Variants in AGAP1 observed in about 807,000 individuals in gnomAD.
AGAP1 encodes the protein arf-GAP with GTPase, ANK repeat and PH domain-containing protein 1.
In AGAP1, 29 loss-of-function variants were observed where a neutral mutation model predicts 105.3. That is an observed-to-expected ratio of 0.28 (90% CI 0.21 to 0.38). The LOEUF is 0.38. Ranked by LOEUF, AGAP1 falls within the 10% of genes least tolerant of loss-of-function variation. The probability of loss-of-function intolerance (pLI) is 1.00; values close to 1 mark genes in which losing one functional copy is unlikely to be tolerated. For missense variants in AGAP1, 998 were observed against 1,165.1 expected (o/e 0.86, Z 2.09); for synonymous variants, 509 against 485.9 (o/e 1.05, Z -0.63).
rs114811190 is a variant in AGAP1 at position 235,809,122 on chromosome 2, G to A, written c.1050+1791G>A. Among the ~76,000 whole-genome samples, 449 of 151,998 alleles carry A rather than the reference G, an allele frequency of 3.0e-3. 1 individual carries two copies. The highest frequency in any genetic ancestry group is 0.01 in the African/African-American group (430 of 41,468). On this transcript the variant is annotated intron_variant, in intron 9 of 17. Transcript: ENST00000304032. ...TGATTTGGGTGATTTGGGTGGGAGC[G>A]CTCACCAGCCTGGCGGGAGTCCCTC...
At chr2:236,028,894 C>T (rs1291194643) in intron 13 of AGAP1, among the ~76,000 whole-genome samples, 1 of 152,198 alleles carries the variant, frequency 6.6e-6, no homozygotes, top group Non-Finnish European at 1.5e-5. Context: ...TTCTATTCCT[C>T]GTTGGCTAAG....
At chr2:235,782,177 T>G (rs1157473613) in intron 6 of AGAP1, among the ~76,000 whole-genome samples, 2 of 152,130 alleles carry the variant, frequency 1.3e-5, no homozygotes, top group African/African-American at 4.8e-5. Flanking sequence ...TGGCATTTGA[T>G]TCAAAGCCAT....
At chr2:235,809,238 C>T (rs1958001646) in intron 9 of AGAP1, among the ~76,000 whole-genome samples, 1 of 152,046 alleles carries the variant, frequency 6.6e-6, no homozygotes, top group South Asian at 2.1e-4. Context: ...TGCAGGCTAG[C>T]TTTTCAATAT....
rs1017275337 is a variant in AGAP1 at position 235,893,426 on chromosome 2, G to A, written c.1155+9977G>A. On this transcript the variant is annotated intron_variant, in intron 10 of 17. Coordinates refer to ENST00000304032, the MANE Select transcript of AGAP1 (RefSeq NM_001037131.3). This position sits in a 1 kb window ranked among gnomAD's most constrained non-coding sequence, Gnocchi z 4.7. The stretch of plus-strand genomic sequence containing the variant: ...AGCGTGTCTTTGGTGTGGGTGTGCC[G>A]TGTCCATCATAAGGAAGAGCTGTGT... 1.4e-4 allele frequency among the ~76,000 whole-genome samples: 21 copies of A among 150,508 alleles called. No homozygotes were observed. Among genetic ancestry groups the A allele is most frequent in the Admixed American group, 2.0e-4 (3 of 15,098 alleles).
chr2:236,045,773 A>G lies in AGAP1; in HGVS notation c.1892-3286A>G, dbSNP rs542665830. Among the ~76,000 whole-genome samples, 3 of 152,346 alleles carry G rather than the reference A, an allele frequency of 2.0e-5. No individual in the cohort carries two copies. The highest frequency in any genetic ancestry group is 2.0e-4 in the Admixed American group (3 of 15,306). On this transcript the variant is annotated intron_variant, in intron 15 of 17. Coordinates refer to ENST00000304032, the MANE Select transcript of AGAP1 (RefSeq NM_001037131.3). The surrounding 1 kb of genome is among the most constrained non-coding windows in gnomAD (Gnocchi z 6.9). ...TTAAGGCATCTTTCAAGGAAATTGC[A>G]GTGGTGATGCTTAGATACCAACCCT... is the stretch of plus-strand genomic sequence containing the variant.
At chr2:235,755,193 A>G (rs1360430298) in intron 6 of AGAP1, among the ~76,000 whole-genome samples, 1 of 152,202 alleles carries the variant, frequency 6.6e-6, no homozygotes, top group African/African-American at 2.4e-5. Context: ...AGATTGCTTC[A>G]CAGCCAGCGG....
chr2:235,926,787 T>C (rs116047071), intron 11 of AGAP1, among the ~76,000 whole-genome samples: 2,285 of 152,256 alleles, frequency 0.015, 46 homozygotes, highest in African/African-American at 0.051. Context: ...TTGAGTGCAG[T>C]GGGGTGTGGG....
rs1416195561 is a variant in AGAP1 at position 235,967,229 on chromosome 2, C to G, written c.1484-1233C>G. On this transcript the variant is annotated intron_variant, in intron 12 of 17. Transcript: ENST00000304032. The surrounding 1 kb of genome is among the most constrained non-coding windows in gnomAD (Gnocchi z 4.7). Reference sequence around the variant, plus strand: ...GCCAGGCTCTGACTGTTTCTCTGCTCTCATTACCTTCTCACTCCTCTGCCA... The same window carrying G: ...GCCAGGCTCTGACTGTTTCTCTGCTGTCATTACCTTCTCACTCCTCTGCCA... 2.0e-5 allele frequency among the ~76,000 whole-genome samples: 3 copies of G among 152,208 alleles called. No individual in the cohort carries two copies. The highest frequency in any genetic ancestry group is 2.9e-5 in the Non-Finnish European group (2 of 68,034).
chr2:235,630,076 G>C (rs190883114), intron 1 of AGAP1, among the ~76,000 whole-genome samples: 1 of 152,006 alleles, frequency 6.6e-6, no homozygotes, highest in Non-Finnish European at 1.5e-5. Context: ...GCATTAAGAT[G>C]AAACTTTAAA....
rs1409174553 is a variant in AGAP1 at position 235,953,128 on chromosome 2, A to G, written c.1484-15334A>G. On this transcript the variant is annotated intron_variant, in intron 12 of 17. Coordinates refer to ENST00000304032, the MANE Select transcript of AGAP1 (RefSeq NM_001037131.3). This position sits in a 1 kb window ranked among gnomAD's most constrained non-coding sequence, Gnocchi z 5.2. ...TTGGGAGTCGCAAGGATCCCTTTTC[A>G]TAATGAAACTTCCTGTCCACAGTTT... Among the ~76,000 whole-genome samples, 2 of 152,176 alleles carry G rather than the reference A, an allele frequency of 1.3e-5. No individual in the cohort carries two copies. The highest frequency in any genetic ancestry group is 2.9e-5 in the Non-Finnish European group (2 of 68,028).
intron 9 of AGAP1, among the ~76,000 whole-genome samples, chr2:235,850,364 C>T (rs1176884506): frequency 6.3e-4 from 96 of 152,238 alleles, no homozygotes; most frequent in Non-Finnish European, 4.4e-5. Context: ...TAATGCGTGG[C>T]CTTTCTGTAG....
intron 6 of AGAP1, among the ~76,000 whole-genome samples, chr2:235,779,845 T>A (rs946785535): frequency 2.6e-5 from 4 of 152,332 alleles, no homozygotes; most frequent in Non-Finnish European, 4.4e-5. Context: ...GTCAGAACTG[T>A]GCAGCCTAAA....
chr2:235,739,702 C>G lies in AGAP1; in HGVS notation c.311-1261C>G, dbSNP rs1016186879. Among the ~76,000 whole-genome samples, 2 of 152,232 alleles carry G rather than the reference C, an allele frequency of 1.3e-5. No homozygotes were observed. The highest frequency in any genetic ancestry group is 4.8e-5 in the African/African-American group (2 of 41,470). On this transcript the variant is annotated intron_variant, in intron 3 of 17. Transcript: ENST00000304032. This position sits in a 1 kb window ranked among gnomAD's most constrained non-coding sequence, Gnocchi z 5.3. ...GGAGCTCGCGGGAACGGGCCAACGC[C>G]CCACTGCCCCAGTCAGCCCTCTGTG...
intron 1 of AGAP1, among the ~76,000 whole-genome samples, chr2:235,685,120 A>G (rs888236417): frequency 6.6e-6 from 1 of 152,098 alleles, no homozygotes; most frequent in Admixed American, 6.5e-5. Flanking sequence ...CCTGGTGCCC[A>G]GAGGGTTCTT....
At position 235,864,193 on chromosome 2, in the gene AGAP1, G is replaced by A. The variant is rs2049052593; in HGVS notation, c.1051-19152G>A. 6.6e-6 allele frequency among the ~76,000 whole-genome samples: 1 copy of A among 152,174 alleles called. No individual in the cohort carries two copies. The highest frequency in any genetic ancestry group is 2.4e-5 in the African/African-American group (1 of 41,438). On this transcript the variant is annotated intron_variant, in intron 9 of 17. Transcript: ENST00000304032. The surrounding 1 kb of genome is among the most constrained non-coding windows in gnomAD (Gnocchi z 5.0). ...TCGCTAGAATAAAGCAGGAGCAGCA[G>A]GTTCTGATTGTTCCTTTTTCAGGAA...
intron 10 of AGAP1, among the ~76,000 whole-genome samples, chr2:235,884,636 T>TA (rs2050186217): frequency 6.6e-6 from 1 of 152,068 alleles, no homozygotes; most frequent in South Asian, 2.1e-4. Flanking sequence ...GTGTTTTTAG[T>TA]AGAGACGTGG....
intron 12 of AGAP1, among the ~76,000 whole-genome samples, chr2:235,956,031 A>G (rs1301933079): frequency 6.6e-6 from 1 of 152,128 alleles, no homozygotes; most frequent in Non-Finnish European, 1.5e-5. Context: ...TCCTACATCT[A>G]ATTACCTTCC....
intron 6 of AGAP1, among the ~76,000 whole-genome samples, chr2:235,771,857 C>T (rs1352287285): frequency 6.6e-6 from 1 of 152,124 alleles, no homozygotes; most frequent in Non-Finnish European, 1.5e-5. Flanking sequence ...ATATTTTAAT[C>T]ATTCATCCTT....
intron 1 of AGAP1, among the ~76,000 whole-genome samples, chr2:235,688,185 C>T (rs1442511586): frequency 6.6e-6 from 1 of 152,150 alleles, no homozygotes; most frequent in African/African-American, 2.4e-5. Context: ...GGATTACAGG[C>T]GTGAGCCACC....
Sources: allele counts gnomAD v4.1 joint callset (sites outside exome capture counted in the v4.1 genomes callset), GRCh38; gene constraint gnomAD v4.1.1; non-coding constraint Gnocchi (gnomAD v3.1); transcripts MANE v1.5; gene names NCBI Gene and HGNC (gene_info 2026-07-23, HGNC 2026-07-21).